Variants in ADAMTS19 observed in about 807,000 individuals in gnomAD.
ADAMTS19 encodes ADAM metallopeptidase with thrombospondin type 1 motif 19, also known as A disintegrin and metalloproteinase with thrombospondin motifs 19.
Under a neutral mutation model 153.3 loss-of-function variants are expected in ADAMTS19, and 93 were observed. The observed-to-expected ratio is 0.61, with a 90% confidence interval of 0.51 to 0.72. The LOEUF is 0.72. Among genes scored for constraint, ADAMTS19 ranks in the 30% least tolerant of loss-of-function variants. The pLI is 0.00. For synonymous variants in ADAMTS19, 600 were observed against 556.6 expected, an observed-to-expected ratio of 1.08 and a Z score of -1.10; for missense variants, 1,482 against 1,552.1, an observed-to-expected ratio of 0.95 and a Z score of 0.76.
At chr5:129,588,258 AGG>A (rs906413541) in intron 7 of ADAMTS19, among the ~76,000 whole-genome samples, 2 of 152,186 alleles carry the variant, frequency 1.3e-5, no homozygotes, top group African/African-American at 4.8e-5. Flanking sequence ...AGGAATTGGA[AGG>A]GTAACCATTT....
chr5:129,529,864 A>T (rs1467137918), intron 6 of ADAMTS19, among the ~76,000 whole-genome samples: 1 of 152,158 alleles, frequency 6.6e-6, no homozygotes, highest in Non-Finnish European at 1.5e-5. Context: ...TTCAGAATTT[A>T]AAAAGATAAG....
intron 17 of ADAMTS19, among the ~76,000 whole-genome samples, chr5:129,683,425 G>A (rs186626118): frequency 3.3e-5 from 5 of 151,946 alleles, no homozygotes; most frequent in Admixed American, 2.0e-4. Context: ...ATATATATGT[G>A]CATAACTGTA....
Position 129,578,122 on chromosome 5 carries a change from G to A in ADAMTS19, c.1373-18437G>A, listed in dbSNP as rs1216684302. ...CATATACATATGCATGTATATGTAC[G>A]TATACGTACATATACCTATATGCAT... is the stretch of plus-strand genomic sequence containing the variant. On this transcript the variant is annotated intron_variant, in intron 7 of 22. Transcript: ENST00000274487. Among the ~76,000 whole-genome samples, 230 of 108,460 alleles carry A rather than the reference G, an allele frequency of 2.1e-3. 7 individuals carry two copies. Among genetic ancestry groups the A allele is most frequent in the African/African-American group, 7.3e-3 (205 of 28,146 alleles). The allele number at this position is 108,460 out of a possible 152,430, so 71.2% of individuals were successfully genotyped here.
intron 10 of ADAMTS19, among the ~76,000 whole-genome samples, chr5:129,634,874 C>T (rs1293740502): frequency 1.4e-5 from 2 of 148,008 alleles, no homozygotes; most frequent in African/African-American, 5.1e-5. Context: ...AAAGCAATTG[C>T]AACAAAAGCA....
Position 129,465,714 on chromosome 5 carries a change from C to T in ADAMTS19, c.747+3957C>T, listed in dbSNP as rs142456977. The stretch of plus-strand genomic sequence containing the variant: ...TGGGTAAAGAGAAATAAACACATAA[C>T]GAGGAGAACCAGTGGAATCAGTCAA... On this transcript the variant is annotated intron_variant, in intron 2 of 22. Transcript: ENST00000274487. 4.9e-3 allele frequency among the ~76,000 whole-genome samples: 753 copies of T among 152,144 alleles called. 7 individuals are homozygous for T. Among genetic ancestry groups the T allele is most frequent in the African/African-American group, 0.013 (533 of 41,506 alleles).
At chr5:129,577,082 A>G (rs1189056587) in intron 7 of ADAMTS19, among the ~76,000 whole-genome samples, 1 of 152,152 alleles carries the variant, frequency 6.6e-6, no homozygotes, top group African/African-American at 2.4e-5. Context: ...CTATACTGAC[A>G]TGGAATAGAG....
chr5:129,521,898 G>T (rs532882789), intron 3 of ADAMTS19, among the ~76,000 whole-genome samples: 1 of 152,206 alleles, frequency 6.6e-6, no homozygotes, highest in African/African-American at 2.4e-5. Flanking sequence ...AAGGGAGAAT[G>T]AATACTGATA....
In ADAMTS19 at chr5:129,701,411, C is replaced by T. The variant is rs1221868816; in HGVS notation, c.2978C>T (p.Pro993Leu). The change falls in exon 20 of 23, where the codon CCT becomes CTT. Residue 993 changes from proline (P) to leucine (L), a missense_variant. Physicochemically the swap from Pro to Leu is moderately conservative, Grantham distance 98. Coordinates refer to ENST00000274487, the MANE Select transcript of ADAMTS19 (RefSeq NM_133638.6). ...QTRWMMTEWT[P>L]CSRTCGKGMQ... ...AGGTGGATGATGACAGAATGGACCC[C>T]TTGTTCACGAACTTGTGGAAAAGGA... 1 of 1,614,200 alleles carries T rather than the reference C, an allele frequency of 6.2e-7. No homozygotes were observed. Among genetic ancestry groups the T allele is most frequent in the Non-Finnish European group, 8.5e-7 (1 of 1,180,034 alleles).
intron 8 of ADAMTS19, among the ~76,000 whole-genome samples, chr5:129,612,246 T>C (rs1158768067): frequency 6.6e-6 from 1 of 151,436 alleles, no homozygotes; most frequent in Non-Finnish European, 1.5e-5. Context: ...GTCCTTGCGA[T>C]AGTTTGCTGA....
Position 129,715,771 on chromosome 5 carries a change from G to A in ADAMTS19, c.3312+11380G>A, listed in dbSNP as rs181265709. Among the ~76,000 whole-genome samples, 37 of 152,336 alleles carry A rather than the reference G, an allele frequency of 2.4e-4. No homozygotes were observed. The East Asian group carries it at 7.0e-3, about 29-fold the overall frequency. ...ATTCTATTTTGGACTATGTTTCAAT[G>A]TGCTCATCAGATAGTTAAATACTGG... On this transcript the variant is annotated intron_variant, in intron 21 of 22. Transcript: ENST00000274487.
At chr5:129,675,953 A>G (rs916480199) in intron 16 of ADAMTS19, among the ~76,000 whole-genome samples, 1 of 152,072 alleles carries the variant, frequency 6.6e-6, no homozygotes, top group South Asian at 2.1e-4. Flanking sequence ...GCTTGAACCC[A>G]TGAGGCAGAG....
chr5:129,589,900 A>G (rs1444629149), intron 7 of ADAMTS19, among the ~76,000 whole-genome samples: 2 of 152,090 alleles, frequency 1.3e-5, no homozygotes, highest in Non-Finnish European at 2.9e-5. Flanking sequence ...AGATCTCCAC[A>G]TAATAGGAGA....
intron 3 of ADAMTS19, among the ~76,000 whole-genome samples, chr5:129,522,328 CACACATATATATATATATATATATAT>C (rs1200633353): frequency 1.1e-5 from 1 of 88,200 alleles, no homozygotes; most frequent in African/African-American, 5.8e-5. Context: ...CACACACACA[CACACATATATATATATATATATATAT>C]ATATATATAT....
At chr5:129,531,460 A>G (rs902691458) in intron 6 of ADAMTS19, among the ~76,000 whole-genome samples, 2 of 152,124 alleles carry the variant, frequency 1.3e-5, no homozygotes, top group African/African-American at 4.8e-5. Flanking sequence ...TCTCATCTCT[A>G]CTAAGATTAC....
chr5:129,648,941 T>C lies in ADAMTS19; in HGVS notation c.2147T>C (p.Ile716Thr). 6.2e-7 allele frequency: 1 copy of C among 1,610,650 alleles called. No individual in the cohort carries two copies. Among genetic ancestry groups the C allele is most frequent in the Non-Finnish European group, 8.5e-7 (1 of 1,177,624 alleles). ...GTTAGAACTTCCTCCCCAAAGCATA[T>C]ACTTCAGTGGCAAGCTGTCCTGGAT... ...YSVRTSSPKHILQWQAVLDEE... is the reference protein window; with the variant it reads ...YSVRTSSPKHTLQWQAVLDEE... Residue 716 changes from isoleucine (I) to threonine (T), a missense_variant, in exon 13 of 23, where the codon ATA (isoleucine) becomes ACA (threonine). Transcript: ENST00000274487.
intron 8 of ADAMTS19, 78 bp from the exon 9 acceptor site, chr5:129,620,540 T>C: frequency 2.8e-6 from 3 of 1,081,384 alleles, no homozygotes; most frequent in Non-Finnish European, 2.4e-6. Flanking sequence ...TTAACCGTTA[T>C]TTAACTGCAG....
At chr5:129,687,723 G>T (rs1755156068) in intron 18 of ADAMTS19, among the ~76,000 whole-genome samples, 1 of 152,200 alleles carries the variant, frequency 6.6e-6, no homozygotes, top group African/African-American at 2.4e-5. Context: ...AGGGGTTCAA[G>T]TCTTCTTTCC....
chr5:129,704,226 T>G lies in ADAMTS19; in HGVS notation c.3160-13T>G, dbSNP rs946705595. On this transcript the variant is annotated splice_polypyrimidine_tract_variant and intron_variant, in intron 20 of 22. Coordinates refer to ENST00000274487, the MANE Select transcript of ADAMTS19 (RefSeq NM_133638.6). ...CACCAACTTTATCTAAAACCTCTGA[T>G]GTTATCTTCCAGTGTTCAGTCAAGT... The G allele has an allele frequency of 4.3e-6, 7 of 1,609,314 alleles. No homozygotes were observed. In the African/African-American group the frequency reaches 5.4e-5, roughly 12 times the overall value.
intron 7 of ADAMTS19, among the ~76,000 whole-genome samples, chr5:129,581,303 T>C (rs1471196517): frequency 6.6e-6 from 1 of 152,014 alleles, no homozygotes; most frequent in Non-Finnish European, 1.5e-5. Context: ...TATTCAGGGA[T>C]TTGACTTCTT....
Sources: gnomAD v4.1 joint callset for allele counts (sites outside exome capture counted in the v4.1 genomes callset) on GRCh38, gnomAD v4.1.1 for gene constraint, MANE v1.5 for transcripts, NCBI Gene and HGNC (gene_info 2026-07-23, HGNC 2026-07-21) for gene names.